RGS6: variants seen among roughly 807,000 people sequenced by gnomAD.
RGS6 encodes regulator of G-protein signaling 6.
Under a neutral mutation model 78.5 loss-of-function variants are expected in RGS6, and 30 were observed. The observed-to-expected ratio is 0.38, with a 90% CI of 0.29 to 0.52. The LOEUF (loss-of-function observed/expected upper bound fraction) is 0.52, where lower values mean the gene tolerates loss of function less well. Among genes scored for constraint, RGS6 ranks in the 20% least tolerant of loss-of-function variants. The probability of loss-of-function intolerance (pLI) is 0.85; values close to 1 mark genes in which losing one functional copy is unlikely to be tolerated. For synonymous variants in RGS6, 206 were observed against 206.0 expected, an observed-to-expected ratio of 1.00 and a Z score of 0.00; for missense variants, 495 against 609.7, an observed-to-expected ratio of 0.81 and a Z score of 1.98.
intron 2 of RGS6, among the ~76,000 whole-genome samples, chr14:72,234,640 G>T (rs185508560): frequency 3.1e-3 from 475 of 152,110 alleles, no homozygotes; most frequent in Middle Eastern, 6.8e-3. Context: ...GGATGGTAAG[G>T]TTACCTCACA....
chr14:72,298,482 C>T (rs1412952770), intron 2 of RGS6, among the ~76,000 whole-genome samples: 1 of 121,262 alleles, frequency 8.2e-6, no homozygotes, highest in Non-Finnish European at 1.6e-5. Flanking sequence ...GAGTCTCGCT[C>T]TGTCGCCCAG....
chr14:72,538,568 G>A (rs968774163), intron 16 of RGS6, among the ~76,000 whole-genome samples: 5 of 152,226 alleles, frequency 3.3e-5, no homozygotes, highest in African/African-American at 1.2e-4. Context: ...TGAGCCAGAG[G>A]ATAAGAATAA....
At chr14:72,086,704 C>T (rs11158945) in intron 2 of RGS6, among the ~76,000 whole-genome samples, 23,922 of 152,196 alleles carry the variant, frequency 0.16, 2,042 homozygotes, top group Non-Finnish European at 0.18. Context: ...ATCCAAAATG[C>T]TGAGCAGGAG....
At chr14:72,175,120 A>G (rs1053758475) in intron 2 of RGS6, among the ~76,000 whole-genome samples, 4 of 152,322 alleles carry the variant, frequency 2.6e-5, no homozygotes, top group Admixed American at 1.3e-4. Context: ...TGTTTCTGCA[A>G]TTATTAAAAG....
intron 2 of RGS6, among the ~76,000 whole-genome samples, chr14:71,996,035 G>A (rs924834750): frequency 1.3e-5 from 2 of 152,182 alleles, no homozygotes; most frequent in African/African-American, 2.4e-5. Flanking sequence ...GTCACCGGGG[G>A]ATCCCTCTAA....
chr14:72,245,101 A>G (rs546509083), intron 2 of RGS6, among the ~76,000 whole-genome samples: 8 of 152,348 alleles, frequency 5.3e-5, no homozygotes, highest in African/African-American at 1.9e-4. Context: ...TGGGGAGGAA[A>G]AACATCTCTT....
intron 17 of RGS6, among the ~76,000 whole-genome samples, chr14:72,554,415 C>T (rs960725228): frequency 4.6e-5 from 7 of 152,214 alleles, no homozygotes; most frequent in African/African-American, 1.4e-4. Flanking sequence ...CACTGTCTCC[C>T]GTAGTCATAG....
At chr14:72,128,689 G>T (rs1036723964) in intron 2 of RGS6, among the ~76,000 whole-genome samples, 2 of 152,186 alleles carry the variant, frequency 1.3e-5, no homozygotes, top group African/African-American at 4.8e-5. Context: ...CATAGTGGAT[G>T]AAGTTTATAG....
At chr14:72,447,771 C>T (rs556778271) in intron 3 of RGS6, among the ~76,000 whole-genome samples, 70 of 152,154 alleles carry the variant, frequency 4.6e-4, no homozygotes, top group Admixed American at 5.9e-4. Context: ...GGCACGATCT[C>T]GGCTCACTAC....
At chr14:72,502,696 G>A (rs1007010945) in intron 13 of RGS6, among the ~76,000 whole-genome samples, 2 of 152,148 alleles carry the variant, frequency 1.3e-5, no homozygotes, top group Non-Finnish European at 2.9e-5. Context: ...CCTGGGAGGC[G>A]GAGGTTGCAG....
At chr14:71,995,341 A>T (rs143514592) in intron 2 of RGS6, among the ~76,000 whole-genome samples, 329 of 152,302 alleles carry the variant, frequency 2.2e-3, no homozygotes, top group African/African-American at 7.6e-3. Flanking sequence ...GCCCCTGAAC[A>T]TAGAGAATGT....
chr14:71,933,291 T>C (rs1450689005), intron 1 of RGS6: 2 of 152,194 alleles, frequency 1.3e-5, no homozygotes. Context: ...TCTTCCGATG[T>C]TGTGATCGCA....
At chr14:72,394,415 T>G (rs970766097) in intron 3 of RGS6, among the ~76,000 whole-genome samples, 2 of 152,154 alleles carry the variant, frequency 1.3e-5, no homozygotes, top group African/African-American at 4.8e-5. Flanking sequence ...TTAAAATTGC[T>G]AATGAAGTTT....
chr14:72,259,910 C>CAAAAAAAAAAAAAGA (rs2057814696), intron 2 of RGS6, among the ~76,000 whole-genome samples: 1 of 68,410 alleles, frequency 1.5e-5, no homozygotes, highest in African/African-American at 9.0e-5. Flanking sequence ...GACTCCGTCT[C>CAAAAAAAAAAAAAGA]AAAAAAAAAA....
chr14:71,965,688 G>T (rs2093467772), intron 2 of RGS6, among the ~76,000 whole-genome samples: 1 of 152,220 alleles, frequency 6.6e-6, no homozygotes, highest in African/African-American at 2.4e-5. Flanking sequence ...GCAAGATTGA[G>T]ATCTCTTTGG....
intron 3 of RGS6, among the ~76,000 whole-genome samples, chr14:72,415,121 G>A (rs2093705054): frequency 6.6e-6 from 1 of 152,264 alleles, no homozygotes; most frequent in South Asian, 2.1e-4. Context: ...TTGTTTGTCT[G>A]TGCCCTGCCC....
intron 2 of RGS6, among the ~76,000 whole-genome samples, chr14:72,222,341 G>T (rs899485997): frequency 6.6e-6 from 1 of 152,208 alleles, no homozygotes; most frequent in Non-Finnish European, 1.5e-5. Flanking sequence ...TGCCTTTGCT[G>T]TACTTTTTAG....
At chr14:72,084,954 T>G (rs2094966043) in intron 2 of RGS6, among the ~76,000 whole-genome samples, 2 of 150,950 alleles carry the variant, frequency 1.3e-5, no homozygotes, top group Non-Finnish European at 2.9e-5. Flanking sequence ...TGCTTAAGCT[T>G]CAATCCCCTG....
intron 2 of RGS6, among the ~76,000 whole-genome samples, chr14:72,312,794 G>A (rs2068981541): frequency 6.6e-6 from 1 of 152,268 alleles, no homozygotes; most frequent in East Asian, 1.9e-4. Flanking sequence ...GATGGTAGCT[G>A]GAAGACCAAG....
Sources: allele counts gnomAD v4.1 joint callset (sites outside exome capture counted in the v4.1 genomes callset), GRCh38; gene constraint gnomAD v4.1.1; transcripts MANE v1.5; gene names NCBI Gene and HGNC (gene_info 2026-07-23, HGNC 2026-07-21).